Variants in BLNK observed in about 807,000 individuals in gnomAD.
BLNK encodes B cell linker.
BLNK carries 29 observed loss-of-function variants against 73.5 expected under a neutral mutation model. That is an observed-to-expected ratio of 0.39 (90% confidence interval 0.29 to 0.54). The LOEUF (loss-of-function observed/expected upper bound fraction) is 0.54. BLNK is among the 20% of genes least tolerant of loss of function. The pLI is 0.61. For missense variants in BLNK, 460 were observed against 562.8 expected (o/e 0.82, Z 1.85); for synonymous variants, 176 against 200.8 (o/e 0.88, Z 1.04).
chr10:96,207,773 G>GT, intron 10 of BLNK, 99 bp downstream of exon 10: 1 of 1,415,316 alleles, frequency 7.1e-7, no homozygotes, highest in South Asian at 1.2e-5. Flanking sequence ...TAAGATTGCT[G>GT]TGTTCACCAT....
intron 5 of BLNK, 57 bp downstream of exon 5, chr10:96,227,353 C>T (rs1842309309): frequency 4.4e-6 from 7 of 1,596,536 alleles, no homozygotes; most frequent in Non-Finnish European, 6.0e-6. Flanking sequence ...ATCTTGGACA[C>T]CCCCACCTCC....
chr10:96,214,347 T>G (rs2084014776), intron 8 of BLNK, among the ~76,000 whole-genome samples: 2 of 151,894 alleles, frequency 1.3e-5, no homozygotes, highest in South Asian at 4.2e-4. Flanking sequence ...CATTCATGGT[T>G]TGGGGGTAGG....
chr10:96,220,434 A>G (rs1389624275), intron 6 of BLNK, among the ~76,000 whole-genome samples: 1 of 152,230 alleles, frequency 6.6e-6, no homozygotes, highest in Non-Finnish European at 1.5e-5. Context: ...TTCTGTTTGT[A>G]GTGTCTGCCC....
chr10:96,238,095 A>C (rs184502981), intron 3 of BLNK, among the ~76,000 whole-genome samples: 97 of 152,282 alleles, frequency 6.4e-4, no homozygotes, highest in South Asian at 2.3e-3. Flanking sequence ...CTCCTCAGGG[A>C]AAGACTGAAC....
Position 96,191,854 on chromosome 10 carries a change from C to A in BLNK, c.*119G>T. ...TGACCACTTCAATAGCTGACTCCATCTTCCATTTTATTACTGGATGATTCA... is the reference window on the plus strand; with the variant it reads ...TGACCACTTCAATAGCTGACTCCATATTCCATTTTATTACTGGATGATTCA... On this transcript the variant is annotated 3_prime_UTR_variant, in exon 17 of 17. Coordinates refer to ENST00000224337, the MANE Select transcript of BLNK (RefSeq NM_013314.4). 7.2e-7 allele frequency: 1 copy of A among 1,388,396 alleles called. No homozygotes were observed. The highest frequency in any genetic ancestry group is 1.0e-6 in the Non-Finnish European group (1 of 986,484). The allele number at this position is 1,388,396 out of a possible 1,614,324, so 86.0% of individuals were successfully genotyped here.
intron 3 of BLNK, among the ~76,000 whole-genome samples, chr10:96,232,078 C>T (rs1842520461): frequency 6.6e-6 from 1 of 152,218 alleles, no homozygotes. Context: ...AGAAACTTAG[C>T]ATCTAGCCTA....
intron 1 of BLNK, among the ~76,000 whole-genome samples, chr10:96,255,539 G>C (rs1843472886): frequency 6.6e-6 from 1 of 151,230 alleles, no homozygotes; most frequent in Non-Finnish European, 1.5e-5. Flanking sequence ...GCAAAGTATT[G>C]CTAATCAGAG....
At chr10:96,202,044 G>A (rs1054543554) in intron 13 of BLNK, among the ~76,000 whole-genome samples, 6 of 152,148 alleles carry the variant, frequency 3.9e-5, no homozygotes, top group Non-Finnish European at 8.8e-5. Flanking sequence ...GAGCTGTGAA[G>A]GCAAGGCCTG....
chr10:96,196,822 C>T (rs1554894776), intron 16 of BLNK, 86 bp downstream of exon 16: 2 of 1,338,686 alleles, frequency 1.5e-6, no homozygotes, highest in East Asian at 2.3e-5. Flanking sequence ...TATCCTTTCT[C>T]CTCATCTCTA....
chr10:96,200,945 G>A lies in BLNK; in HGVS notation c.1011+37C>T, dbSNP rs782607250. ...GACATGCTCTTTCCTGCAGTTTCCT[G>A]GTAACAATTTAGTGACATCAAGAGT... On this transcript the variant is annotated intron_variant, in intron 14 of 16. Coordinates refer to ENST00000224337, the MANE Select transcript of BLNK (RefSeq NM_013314.4). The surrounding 1 kb of genome is among the most constrained non-coding windows in gnomAD (Gnocchi z 4.3). 6.4e-7 allele frequency: 1 copy of A among 1,572,852 alleles called. No individual in the cohort carries two copies. Among genetic ancestry groups the A allele is most frequent in the South Asian group, 1.1e-5 (1 of 90,274 alleles).
intron 15 of BLNK, 85 bp downstream of exon 15, chr10:96,199,990 T>C: frequency 1.0e-6 from 1 of 997,032 alleles, no homozygotes; most frequent in South Asian, 2.9e-5. Context: ...ATCGAGCCAC[T>C]GCACTCCAGT....
intron 4 of BLNK, among the ~76,000 whole-genome samples, chr10:96,228,436 T>A (rs1187075694): frequency 6.6e-6 from 1 of 152,154 alleles, no homozygotes; most frequent in Non-Finnish European, 1.5e-5. Context: ...TTTGTATTTT[T>A]AGTAAAGCTG....
chr10:96,215,480 GA>G, intron 7 of BLNK, 91 bp from the exon 8 acceptor site: 20 of 1,203,528 alleles, frequency 1.7e-5, no homozygotes, highest in East Asian at 2.6e-5. Context: ...CACACTCAGG[GA>G]AAAATGATGA....
At chr10:96,202,110 G>C (rs1554896363) in intron 13 of BLNK, among the ~76,000 whole-genome samples, 2 of 152,142 alleles carry the variant, frequency 1.3e-5, no homozygotes, top group African/African-American at 4.8e-5. Context: ...TAAGAAAAGG[G>C]GAGAAGAGTA....
intron 4 of BLNK, among the ~76,000 whole-genome samples, chr10:96,228,181 C>A (rs1003653939): frequency 6.6e-6 from 1 of 151,568 alleles, no homozygotes; most frequent in Admixed American, 6.6e-5. Flanking sequence ...CTCACTGCAG[C>A]CTCTGCCTCC....
At chr10:96,199,171 G>A (rs1554895424) in intron 15 of BLNK, among the ~76,000 whole-genome samples, 1 of 152,202 alleles carries the variant, frequency 6.6e-6, no homozygotes, top group Non-Finnish European at 1.5e-5. Flanking sequence ...TAAAACAAGG[G>A]TGAGGAAGAA....
chr10:96,261,445 T>G (rs1177263276), intron 1 of BLNK, among the ~76,000 whole-genome samples: 1 of 152,138 alleles, frequency 6.6e-6, no homozygotes, highest in Non-Finnish European at 1.5e-5. Context: ...AATAATTTAC[T>G]TTTGAGGTAT....
At chr10:96,233,139 C>G (rs1030881165) in intron 3 of BLNK, among the ~76,000 whole-genome samples, 1 of 152,116 alleles carries the variant, frequency 6.6e-6, no homozygotes, top group Non-Finnish European at 1.5e-5. Context: ...CTGGGGATCA[C>G]TGAAGATCAA....
In BLNK at chr10:96,208,674, C is replaced by A. The variant is rs116614671; in HGVS notation, c.747-775G>T. ...TGTGTTAAATTTCTTAATTTAAAAACCCTCACCATATCTCTCTCTCGCTTT... is the reference window on the plus strand; with the variant it reads ...TGTGTTAAATTTCTTAATTTAAAAAACCTCACCATATCTCTCTCTCGCTTT... On this transcript the variant is annotated intron_variant, in intron 9 of 16. Coordinates refer to ENST00000224337, the MANE Select transcript of BLNK (RefSeq NM_013314.4). 1.3e-3 allele frequency among the ~76,000 whole-genome samples: 204 copies of A among 152,260 alleles called. 1 individual carries two copies. The highest frequency in any genetic ancestry group is 4.6e-3 in the African/African-American group (193 of 41,542).
Sources: gnomAD v4.1 joint callset for allele counts (sites outside exome capture counted in the v4.1 genomes callset) on GRCh38, gnomAD v4.1.1 for gene constraint, Gnocchi (gnomAD v3.1) non-coding constraint, MANE v1.5 for transcripts, NCBI Gene and HGNC (gene_info 2026-07-23, HGNC 2026-07-21) for gene names.